TSNAX: variants seen among roughly 807,000 people sequenced by gnomAD.
The protein encoded by TSNAX is translin associated factor X, also known as translin-associated protein X.
A neutral mutation model predicts 33.0 loss-of-function variants in TSNAX; 12 were observed. The ratio of observed to expected loss-of-function variants is 0.36; its 90% CI spans 0.23 to 0.59. The LOEUF (loss-of-function observed/expected upper bound fraction) is 0.59. TSNAX is among the 20% of genes least tolerant of loss of function. The probability of loss-of-function intolerance (pLI) is 0.74; values close to 1 mark genes in which losing one functional copy is unlikely to be tolerated. For missense variants in TSNAX, 267 were observed against 341.3 expected (o/e 0.78, Z 1.72); for synonymous variants, 110 against 117.2 (o/e 0.94, Z 0.40).
chr1:231,537,684 T>C (rs1572106747), intron 3 of TSNAX, among the ~76,000 whole-genome samples: 1 of 147,910 alleles, frequency 6.8e-6, no homozygotes, highest in Non-Finnish European at 1.5e-5. Context: ...GAGGCTGCAG[T>C]GTGCCAAGAT....
intron 5 of TSNAX, among the ~76,000 whole-genome samples, chr1:231,562,289 TAGGC>T (rs1360643554): frequency 3.3e-5 from 5 of 151,258 alleles, no homozygotes; most frequent in African/African-American, 9.7e-5. Flanking sequence ...TAAGGATAGG[TAGGC>T]AGGAGATGGA....
chr1:231,531,353 A>G (rs1572095680), intron 2 of TSNAX, among the ~76,000 whole-genome samples: 1 of 152,182 alleles, frequency 6.6e-6, no homozygotes, highest in East Asian at 1.9e-4. Context: ...ACCAACATGA[A>G]ATATTTATTG....
intron 4 of TSNAX, among the ~76,000 whole-genome samples, chr1:231,559,654 G>C (rs1660917376): frequency 2.0e-5 from 3 of 152,064 alleles, no homozygotes; most frequent in Admixed American, 2.0e-4. Context: ...TAAAACACTT[G>C]GAAAAGTATA....
At chr1:231,540,640 C>A (rs891800150) in intron 3 of TSNAX, among the ~76,000 whole-genome samples, 1 of 152,100 alleles carries the variant, frequency 6.6e-6, no homozygotes, top group African/African-American at 2.4e-5. Flanking sequence ...GTAATTAAGT[C>A]AGATTGGCTG....
chr1:231,550,547 G>A (rs1382403143), intron 4 of TSNAX, among the ~76,000 whole-genome samples: 1 of 152,186 alleles, frequency 6.6e-6, no homozygotes, highest in Non-Finnish European at 1.5e-5. Flanking sequence ...GCCCCCTGGT[G>A]GAAAGAGAAG....
rs983926850 is a variant in TSNAX, at chr1:231,564,713, G to T, written c.681G>T (p.Gly227=). The stretch of plus-strand genomic sequence containing the variant: ...AGTTTTTACGTCAGGTTTATGATGG[G>T]TTTTCATTCATTGGCAACACTGGAC... ...VSQFLRQVYD[G]FSFIGNTGPY... is the part of the protein sequence containing the mutation. Residue 227 remains glycine (G), a synonymous_variant, in exon 6 of 6, where the codon GGG becomes GGT. Transcript: ENST00000366639. 6.2e-7 allele frequency: 1 copy of T among 1,614,000 alleles called. No individual in the cohort carries two copies. The highest frequency in any genetic ancestry group is 1.3e-5 in the African/African-American group (1 of 74,904).
intron 4 of TSNAX, among the ~76,000 whole-genome samples, chr1:231,559,453 A>G (rs1448128110): frequency 6.6e-6 from 1 of 151,554 alleles, no homozygotes; most frequent in African/African-American, 2.4e-5. Context: ...CTCAGCCTCC[A>G]AAGTAGCTGG....
chr1:231,560,406 T>TTCCCC (rs1661003604), intron 4 of TSNAX, among the ~76,000 whole-genome samples: 27 of 32,048 alleles, frequency 8.4e-4, no homozygotes, highest in Non-Finnish European at 1.2e-3. Flanking sequence ...TTTTCTTTTC[T>TTCCCC]CCCCCCCCCC....
chr1:231,565,330 C>T lies in TSNAX; in HGVS notation c.*425C>T, dbSNP rs115520414. 922 of 154,308 alleles carry T rather than the reference C, an allele frequency of 6.0e-3. 7 individuals carry two copies. Among genetic ancestry groups the T allele is most frequent in the African/African-American group, 0.021 (873 of 41,536 alleles). 9.6% of individuals were successfully genotyped at this position (154,308 alleles called of 1,614,324 possible). On this transcript the variant is annotated 3_prime_UTR_variant, in exon 6 of 6. Coordinates refer to ENST00000366639, the MANE Select transcript of TSNAX (RefSeq NM_005999.3). ...TTTTAGTTAAACTTCTGGACATGAG[C>T]GTCCTGTTTAAATTTCTTGTTAATA...
At chr1:231,529,380 G>A (rs766767038) in intron 2 of TSNAX, 21 bp downstream of exon 2, 3 of 1,609,198 alleles carry the variant, frequency 1.9e-6, no homozygotes, top group South Asian at 1.1e-5. Flanking sequence ...TGCAATGTAA[G>A]TTGAAGAAGG....
At chr1:231,535,360 C>T (rs751876838) in intron 2 of TSNAX, 3 of 152,140 alleles carry the variant, frequency 2.0e-5, no homozygotes, top group African/African-American at 7.2e-5. Flanking sequence ...ATTCACAAAA[C>T]TTTAGATGTA....
intron 2 of TSNAX, among the ~76,000 whole-genome samples, chr1:231,530,705 C>T (rs1658638629): frequency 7.1e-6 from 1 of 140,592 alleles, no homozygotes; most frequent in African/African-American, 2.7e-5. Flanking sequence ...AGCGAGGCTC[C>T]GTCTCAAAAA....
At chr1:231,543,878 A>C (rs923947606) in intron 4 of TSNAX, among the ~76,000 whole-genome samples, 9 of 152,196 alleles carry the variant, frequency 5.9e-5, no homozygotes, top group African/African-American at 1.9e-4. Flanking sequence ...AATAAAGATG[A>C]CTTCATGAAT....
intron 1 of TSNAX, 60 bp downstream of exon 1, chr1:231,528,886 C>T: frequency 1.2e-6 from 2 of 1,607,682 alleles, no homozygotes; most frequent in Non-Finnish European, 1.7e-6. Context: ...TCCAGTCTTT[C>T]TATGCAGTTT....
chr1:231,556,938 C>A (rs1283003179), intron 4 of TSNAX, among the ~76,000 whole-genome samples: 1 of 151,192 alleles, frequency 6.6e-6, no homozygotes, highest in Non-Finnish European at 1.5e-5. Flanking sequence ...GTATTCTGAG[C>A]GCCATGGGAA....
intron 5 of TSNAX, chr1:231,563,702 G>C (rs1661258525): frequency 7.3e-6 from 1 of 136,336 alleles, no homozygotes; most frequent in Non-Finnish European, 1.6e-5. Flanking sequence ...GTGAGAAATT[G>C]TGCTAGGTAA....
chr1:231,540,789 T>C (rs1390893325), intron 3 of TSNAX, among the ~76,000 whole-genome samples: 1 of 152,250 alleles, frequency 6.6e-6, no homozygotes, highest in Admixed American at 6.5e-5. Flanking sequence ...CAGTTTTTTC[T>C]TCAAGTATCT....
At chr1:231,546,722 C>T (rs1257695625) in intron 4 of TSNAX, among the ~76,000 whole-genome samples, 1 of 152,206 alleles carries the variant, frequency 6.6e-6, no homozygotes, top group Non-Finnish European at 1.5e-5. Context: ...TTATCTTTCT[C>T]TCTTGAAGAC....
At chr1:231,529,934 A>G (rs1266850701) in intron 2 of TSNAX, among the ~76,000 whole-genome samples, 1 of 152,190 alleles carries the variant, frequency 6.6e-6, no homozygotes, top group East Asian at 1.9e-4. Flanking sequence ...CGTTTCTGTG[A>G]TTAAGGAATC....
Sources: gnomAD v4.1 joint callset for allele counts (sites outside exome capture counted in the v4.1 genomes callset) on GRCh38, gnomAD v4.1.1 for gene constraint, MANE v1.5 for transcripts, NCBI Gene and HGNC (gene_info 2026-07-23, HGNC 2026-07-21) for gene names.